PPHLN1: variants seen among roughly 807,000 people sequenced by gnomAD.
PPHLN1 encodes periphilin-1.
In PPHLN1, 29 loss-of-function variants were observed where a neutral mutation model predicts 51.3. The ratio of observed to expected loss-of-function variants is 0.57; its 90% CI spans 0.42 to 0.77. PPHLN1 has a LOEUF of 0.77. PPHLN1 is among the 30% of genes least tolerant of loss of function. The pLI is 0.00. For missense variants in PPHLN1, 436 were observed against 438.4 expected, an observed-to-expected ratio of 0.99 and a Z score of 0.05; for synonymous variants, 147 against 147.8, an observed-to-expected ratio of 0.99 and a Z score of 0.04.
At chr12:42,372,367 T>G (rs1288218706) in intron 4 of PPHLN1, among the ~76,000 whole-genome samples, 2 of 152,178 alleles carry the variant, frequency 1.3e-5, no homozygotes, top group East Asian at 3.8e-4. Flanking sequence ...CTGCTGTGAT[T>G]TTACTGCCAT....
At chr12:42,382,181 G>A (rs1478644473) in intron 5 of PPHLN1, among the ~76,000 whole-genome samples, 1 of 152,148 alleles carries the variant, frequency 6.6e-6, no homozygotes, top group African/African-American at 2.4e-5. Flanking sequence ...TGCATTCAAG[G>A]AGTCACCAAA....
intron 2 of PPHLN1, among the ~76,000 whole-genome samples, chr12:42,336,748 T>C (rs765399836): frequency 1.3e-5 from 2 of 152,210 alleles, no homozygotes; most frequent in Non-Finnish European, 2.9e-5. Context: ...TGGGGAAGGT[T>C]AAAAAGCTAA....
At chr12:42,424,854 C>G (rs1389431945) in intron 9 of PPHLN1, among the ~76,000 whole-genome samples, 1 of 151,348 alleles carries the variant, frequency 6.6e-6, no homozygotes, top group Non-Finnish European at 1.5e-5. Flanking sequence ...TCTAAGCATA[C>G]AGAATATTTA....
chr12:42,427,220 T>C (rs2081580829), intron 9 of PPHLN1, among the ~76,000 whole-genome samples: 1 of 152,230 alleles, frequency 6.6e-6, no homozygotes, highest in Non-Finnish European at 1.5e-5. Context: ...GAAGTTATTG[T>C]GTTTAAAATT....
At chr12:42,344,068 T>G (rs2071900722) in intron 2 of PPHLN1, among the ~76,000 whole-genome samples, 1 of 152,166 alleles carries the variant, frequency 6.6e-6, no homozygotes, top group East Asian at 1.9e-4. Flanking sequence ...GTAAAAAGCA[T>G]GTGATGCCAG....
intron 4 of PPHLN1, among the ~76,000 whole-genome samples, chr12:42,364,839 TG>T (rs1201876935): frequency 1.3e-5 from 2 of 152,168 alleles, no homozygotes; most frequent in Non-Finnish European, 2.9e-5. Context: ...GAGAATCACT[TG>T]GACCTGGGAG....
chr12:42,326,538 A>AC (rs1299022776), intron 1 of PPHLN1, among the ~76,000 whole-genome samples: 1 of 152,164 alleles, frequency 6.6e-6, no homozygotes, highest in Non-Finnish European at 1.5e-5. Flanking sequence ...TGTTCACGGT[A>AC]CCCAGCTATT....
chr12:42,380,981 A>T (rs2076710678), intron 5 of PPHLN1, among the ~76,000 whole-genome samples: 1 of 152,216 alleles, frequency 6.6e-6, no homozygotes, highest in East Asian at 1.9e-4. Flanking sequence ...AAAGACAAAC[A>T]AGTAATTAAA....
intron 1 of PPHLN1, among the ~76,000 whole-genome samples, chr12:42,328,912 C>A (rs556799878): frequency 6.6e-6 from 1 of 152,062 alleles, no homozygotes; most frequent in Non-Finnish European, 1.5e-5. Flanking sequence ...CGGGGTATTA[C>A]TATGTTGGCC....
At chr12:42,394,739 G>C (rs2078048384) in intron 8 of PPHLN1, among the ~76,000 whole-genome samples, 1 of 151,942 alleles carries the variant, frequency 6.6e-6, no homozygotes, top group Non-Finnish European at 1.5e-5. Context: ...AAAACACCAA[G>C]CTGTTCCTTC....
chr12:42,412,184 G>A (rs569086413), intron 9 of PPHLN1, among the ~76,000 whole-genome samples: 3 of 152,230 alleles, frequency 2.0e-5, no homozygotes, highest in African/African-American at 4.8e-5. Context: ...CAGCCTGGGC[G>A]ACAGAGCGAG....
intron 4 of PPHLN1, chr12:42,361,826 G>A (rs2074722778): frequency 6.6e-6 from 1 of 152,204 alleles, no homozygotes; most frequent in African/African-American, 2.4e-5. Context: ...TGTGAATAAT[G>A]CTACAGTGAA....
intron 7 of PPHLN1, among the ~76,000 whole-genome samples, chr12:42,388,020 G>A (rs898457495): frequency 1.3e-5 from 2 of 152,332 alleles, no homozygotes; most frequent in Non-Finnish European, 1.5e-5. Context: ...GCGGAACGCC[G>A]CAGGGACCTC....
intron 2 of PPHLN1, among the ~76,000 whole-genome samples, chr12:42,341,198 G>T (rs1427846676): frequency 6.6e-6 from 1 of 151,920 alleles, no homozygotes; most frequent in East Asian, 1.9e-4. Context: ...GACCAGGCTG[G>T]TTTCAAACTC....
intron 5 of PPHLN1, among the ~76,000 whole-genome samples, chr12:42,382,353 A>C (rs17091141): frequency 6.6e-6 from 1 of 152,006 alleles, no homozygotes; most frequent in South Asian, 2.1e-4. Context: ...TCATCAATAT[A>C]TAGACAGGGA....
intron 8 of PPHLN1, among the ~76,000 whole-genome samples, chr12:42,397,097 A>T (rs923300904): frequency 2.5e-4 from 37 of 150,586 alleles, no homozygotes; most frequent in African/African-American, 8.8e-4. Context: ...GGAAAAATTT[A>T]AAATTTACGA....
At chr12:42,381,472 C>G (rs1364867113) in intron 5 of PPHLN1, among the ~76,000 whole-genome samples, 1 of 152,188 alleles carries the variant, frequency 6.6e-6, no homozygotes, top group Non-Finnish European at 1.5e-5. Flanking sequence ...GAACTCTACT[C>G]AGAAGTGTGC....
At chr12:42,342,663 G>C (rs556164454) in intron 2 of PPHLN1, among the ~76,000 whole-genome samples, 1 of 152,276 alleles carries the variant, frequency 6.6e-6, no homozygotes, top group East Asian at 1.9e-4. Flanking sequence ...AACAGAGCTG[G>C]GGCTGAAGCA....
chr12:42,438,167 A>G (rs2082642064), intron 9 of PPHLN1, among the ~76,000 whole-genome samples: 1 of 152,252 alleles, frequency 6.6e-6, no homozygotes, highest in African/African-American at 2.4e-5. Flanking sequence ...TAAGTTTTCA[A>G]CTTATTTGGA....
Sources: gnomAD v4.1 joint callset for allele counts (sites outside exome capture counted in the v4.1 genomes callset) on GRCh38, gnomAD v4.1.1 for gene constraint, MANE v1.5 for transcripts, NCBI Gene and HGNC (gene_info 2026-07-23, HGNC 2026-07-21) for gene names.